The following RPH3A variants were observed in gnomAD, a reference collection of about 807,000 sequenced individuals.
RPH3A encodes rabphilin 3A, also known as rabphilin-3A.
A neutral mutation model predicts 102.2 loss-of-function variants in RPH3A; 48 were observed. The observed-to-expected ratio is 0.47, with a 90% CI of 0.37 to 0.60. The LOEUF (loss-of-function observed/expected upper bound fraction) is 0.60, where lower values mean the gene tolerates loss of function less well. Ranked by LOEUF, RPH3A falls within the 20% of genes least tolerant of loss-of-function variation. RPH3A has a pLI of 0.00. For missense variants in RPH3A, 781 were observed against 910.1 expected, an observed-to-expected ratio of 0.86 and a Z score of 1.83; for synonymous variants, 310 against 324.3, an observed-to-expected ratio of 0.96 and a Z score of 0.47.
At chr12:112,665,862 A>G (rs924854133) in intron 1 of RPH3A, among the ~76,000 whole-genome samples, 5 of 152,210 alleles carry the variant, frequency 3.3e-5, no homozygotes, top group Admixed American at 6.5e-5. Flanking sequence ...GTGACCTCCC[A>G]TAACTGTTTC....
rs529846959 is a variant in RPH3A at position 112,710,548 on chromosome 12, T to C, written c.-139-81595T>C. ...AGTTCCCTTTCAGGCCCAATCATAT[T>C]TGTAGTGTTGTGACACGTCCTTAAG... is the stretch of plus-strand genomic sequence containing the variant. On this transcript the variant is annotated intron_variant, in intron 1 of 21. Transcript: ENST00000543106. Among the ~76,000 whole-genome samples the C allele has an allele frequency of 3.0e-4, 45 of 152,310 alleles. 2 individuals carry two copies. The highest frequency in any genetic ancestry group is 1.1e-3 in the African/African-American group (45 of 41,574).
chr12:112,724,638 AGCACAGTGCCTG>A (rs2040574428), intron 1 of RPH3A, among the ~76,000 whole-genome samples: 1 of 152,246 alleles, frequency 6.6e-6, no homozygotes, highest in Admixed American at 6.5e-5. Flanking sequence ...CTCAGTGCCT[AGCACAGTGCCTG>A]GCACATAGCA....
chr12:112,679,592 A>T (rs7303765), intron 1 of RPH3A, among the ~76,000 whole-genome samples: 4,443 of 151,954 alleles, frequency 0.029, 224 homozygotes, highest in African/African-American at 0.1. Flanking sequence ...CGCCCGGCTA[A>T]TTTTCATATT....
At chr12:112,709,035 G>A (rs2040443101) in intron 1 of RPH3A, among the ~76,000 whole-genome samples, 1 of 152,082 alleles carries the variant, frequency 6.6e-6, no homozygotes, top group Non-Finnish European at 1.5e-5. Flanking sequence ...CTATTTTTAT[G>A]GCAATACAAC....
chr12:112,848,001 A>G (rs980527527), intron 5 of RPH3A, among the ~76,000 whole-genome samples, 159 bp downstream of exon 5: 1 of 152,024 alleles, frequency 6.6e-6, no homozygotes, highest in African/African-American at 2.4e-5. Context: ...CCCCTTCCCC[A>G]CTGGCAGACG....
chr12:112,673,838 C>G (rs991106096), intron 1 of RPH3A, among the ~76,000 whole-genome samples: 2 of 152,158 alleles, frequency 1.3e-5, no homozygotes, highest in Admixed American at 1.3e-4. Flanking sequence ...CACAGCCCCC[C>G]ACTACCCTTC....
intron 14 of RPH3A, among the ~76,000 whole-genome samples, chr12:112,880,661 G>C (rs2042893293): frequency 1.3e-5 from 2 of 152,178 alleles, no homozygotes; most frequent in Admixed American, 6.5e-5. Flanking sequence ...TGGGAGTTAA[G>C]TTAACCCCCT....
rs77153166 is a variant in RPH3A at position 112,716,818 on chromosome 12, T to A, written c.-139-75325T>A. Among the ~76,000 whole-genome samples the A allele has an allele frequency of 9.8e-5, 15 of 152,318 alleles. No homozygotes were observed. In the East Asian group the frequency reaches 2.9e-3, roughly 29 times the overall value. ...GTTCAATTTGATGAAAATTTATTAT[T>A]TTTTCCTGTGCTAAGCATGGCACTG... On this transcript the variant is annotated intron_variant, in intron 1 of 21. Transcript: ENST00000543106.
intron 5 of RPH3A, among the ~76,000 whole-genome samples, chr12:112,854,415 T>C (rs1477262909): frequency 6.6e-6 from 1 of 152,254 alleles, no homozygotes; most frequent in Non-Finnish European, 1.5e-5. Flanking sequence ...CTCAGAGCTT[T>C]ATGTAGATTC....
chr12:112,616,195 G>A (rs2039677884), intron 1 of RPH3A, among the ~76,000 whole-genome samples: 1 of 152,176 alleles, frequency 6.6e-6, no homozygotes, highest in African/African-American at 2.4e-5. Flanking sequence ...CACTCAAGCT[G>A]GAGTGCAGTG....
Position 112,881,756 on chromosome 12 carries a change from C to T in RPH3A, c.1252-16C>T. Reference sequence around the variant, plus strand: ...CCCTCCTGAGGCCCTCACACCATTGCCTCCTTCTCTTGCAGGGCCTGAAGC... The same window carrying T: ...CCCTCCTGAGGCCCTCACACCATTGTCTCCTTCTCTTGCAGGGCCTGAAGC... On this transcript the variant is annotated splice_polypyrimidine_tract_variant and intron_variant, in intron 14 of 21. Transcript: ENST00000389385. 1 of 1,601,664 alleles carries T rather than the reference C, an allele frequency of 6.2e-7. No homozygotes were observed. The highest frequency in any genetic ancestry group is 8.5e-7 in the Non-Finnish European group (1 of 1,171,540).
chr12:112,688,373 T>A (rs2040282621), intron 1 of RPH3A, among the ~76,000 whole-genome samples: 1 of 152,202 alleles, frequency 6.6e-6, no homozygotes, highest in Non-Finnish European at 1.5e-5. Flanking sequence ...TAGCAATCAC[T>A]GATTTAGAGG....
chr12:112,713,103 T>TC (rs1254059409), intron 1 of RPH3A, among the ~76,000 whole-genome samples: 5 of 119,870 alleles, frequency 4.2e-5, no homozygotes, highest in Non-Finnish European at 8.6e-5. Context: ...TCTTCTTCTT[T>TC]TATTTTTTTG....
intron 1 of RPH3A, among the ~76,000 whole-genome samples, chr12:112,781,379 G>A (rs972654842): frequency 6.6e-6 from 1 of 152,098 alleles, no homozygotes; most frequent in Non-Finnish European, 1.5e-5. Context: ...GATTGAACAC[G>A]ACTGTTCCAC....
chr12:112,611,254 G>A (rs2039637249), intron 1 of RPH3A, among the ~76,000 whole-genome samples: 1 of 152,186 alleles, frequency 6.6e-6, no homozygotes, highest in Non-Finnish European at 1.5e-5. Context: ...ATTTTCACAG[G>A]AGAGAGCTGG....
intron 1 of RPH3A, among the ~76,000 whole-genome samples, chr12:112,727,489 ACAGAC>A (rs2040601530): frequency 1.2e-5 from 1 of 81,154 alleles, no homozygotes; most frequent in African/African-American, 5.2e-5. Flanking sequence ...ACACACACAC[ACAGAC>A]CCCCCCCCCC....
intron 2 of RPH3A, among the ~76,000 whole-genome samples, chr12:112,821,911 G>C (rs532624897): frequency 5.5e-4 from 83 of 152,060 alleles, no homozygotes; most frequent in African/African-American, 2.0e-3. Context: ...CCCAAGAGAA[G>C]CTGGCAATCT....
rs114966719 is a variant in RPH3A at position 112,798,638 on chromosome 12, A to G, written c.-19+6375A>G. Among the ~76,000 whole-genome samples the G allele has an allele frequency of 2.8e-3, 432 of 152,022 alleles. 2 individuals carry two copies. The highest frequency in any genetic ancestry group is 0.01 in the African/African-American group (418 of 41,480). ...ATCTGTGTGGTCCGCTCCATTGCACATCTTCCTCCCTGCCCCCTTTCCCCT... is the reference window on the plus strand; with the variant it reads ...ATCTGTGTGGTCCGCTCCATTGCACGTCTTCCTCCCTGCCCCCTTTCCCCT... On this transcript the variant is annotated intron_variant, in intron 2 of 21. Transcript: ENST00000389385.
intron 17 of RPH3A, among the ~76,000 whole-genome samples, 196 bp from the exon 18 acceptor site, chr12:112,889,828 A>G (rs2043061588): frequency 6.6e-6 from 1 of 152,214 alleles, no homozygotes; most frequent in African/African-American, 2.4e-5. Flanking sequence ...GTTGTTACAC[A>G]TTCACATAGC....
Sources: gnomAD v4.1 joint callset for allele counts (sites outside exome capture counted in the v4.1 genomes callset) on GRCh38, gnomAD v4.1.1 for gene constraint, MANE v1.5 for transcripts, NCBI Gene and HGNC (gene_info 2026-07-23, HGNC 2026-07-21) for gene names.